Variants in PYROXD2 observed in about 807,000 individuals in gnomAD.
The protein encoded by PYROXD2 is pyridine nucleotide-disulfide oxidoreductase domain-containing protein 2.
A neutral mutation model predicts 71.1 loss-of-function variants in PYROXD2; 69 were observed. The ratio of observed to expected loss-of-function variants is 0.97; its 90% CI spans 0.80 to 1.19. The LOEUF (loss-of-function observed/expected upper bound fraction) is 1.19, where lower values mean the gene tolerates loss of function less well. Among genes scored for constraint, PYROXD2 ranks in the 50% most tolerant of loss-of-function variants. The probability of loss-of-function intolerance (pLI) is 0.00; values close to 1 mark genes in which losing one functional copy is unlikely to be tolerated. For missense variants in PYROXD2, 745 were observed against 748.9 expected (o/e 0.99, Z 0.06); for synonymous variants, 287 against 302.7 (o/e 0.95, Z 0.54).
intron 2 of PYROXD2, 168 bp downstream of exon 2, chr10:98,410,771 T>C (rs1843757050): frequency 2.0e-6 from 2 of 982,014 alleles, no homozygotes; most frequent in Admixed American, 5.1e-5. Context: ...CAGATGAGCA[T>C]TCGACCCAGC....
chr10:98,389,210 A>G (rs1319374196), intron 12 of PYROXD2, among the ~76,000 whole-genome samples: 1 of 151,982 alleles, frequency 6.6e-6, no homozygotes, highest in African/African-American at 2.4e-5. Flanking sequence ...TCCTCTTTTC[A>G]GTAAATGGAG....
chr10:98,409,069 C>T (rs1843703058), intron 2 of PYROXD2, among the ~76,000 whole-genome samples: 1 of 152,232 alleles, frequency 6.6e-6, no homozygotes, highest in Non-Finnish European at 1.5e-5. Context: ...AGCTGTCACT[C>T]AGTGGCTGAG....
At chr10:98,412,431 G>A (rs1843819204) in intron 1 of PYROXD2, among the ~76,000 whole-genome samples, 1 of 152,174 alleles carries the variant, frequency 6.6e-6, no homozygotes, top group African/African-American at 2.4e-5. Flanking sequence ...CTCTGGGCGT[G>A]GGCTCTGCAG....
chr10:98,411,324 A>G (rs1843780313), intron 1 of PYROXD2: 1 of 268,386 alleles, frequency 3.7e-6, no homozygotes, highest in Non-Finnish European at 7.0e-6. Context: ...AAGCAGGAGA[A>G]GCAATGGGTG....
rs150142768 is a variant in PYROXD2, at chr10:98,399,857, C to T, written c.471+245G>A. 1.7e-3 allele frequency among the ~76,000 whole-genome samples: 259 copies of T among 152,318 alleles called. 2 individuals carry two copies. The highest frequency in any genetic ancestry group is 7.5e-3 in the East Asian group (39 of 5,184). On this transcript the variant is annotated intron_variant, in intron 5 of 15. Transcript: ENST00000370575. ...GCAGGCACAGCCCCTCTGACAGTGG[C>T]CCCATACTGAACACACGCAGGTGAG...
In PYROXD2 at chr10:98,390,476, G is replaced by A. The variant is rs1842908937; in HGVS notation, c.1292+122C>T. ...GTCCTTAGGAGTATGGATTTTGGCA[G>A]ATCCTAAGTCACTGTGAAGGTTGAA... is the stretch of plus-strand genomic sequence containing the variant. On this transcript the variant is annotated intron_variant, in intron 12 of 15. Coordinates refer to ENST00000370575, the MANE Select transcript of PYROXD2 (RefSeq NM_032709.3). 2.5e-6 allele frequency: 3 copies of A among 1,188,962 alleles called. No individual in the cohort carries two copies. In the Admixed American group the frequency reaches 7.9e-5, roughly 31 times the overall value. 73.7% of individuals were successfully genotyped at this position (1,188,962 alleles called of 1,614,324 possible).
intron 4 of PYROXD2, among the ~76,000 whole-genome samples, chr10:98,404,171 T>C (rs7914401): frequency 0.35 from 52,846 of 152,096 alleles, 9,901 homozygotes; most frequent in South Asian, 0.49. Flanking sequence ...GTAACCTACT[T>C]CTGTGTCAAT....
chr10:98,413,476 G>A (rs979222929), intron 1 of PYROXD2, among the ~76,000 whole-genome samples: 1 of 152,194 alleles, frequency 6.6e-6, no homozygotes, highest in African/African-American at 2.4e-5. Context: ...AGCCCTTTGG[G>A]AGGCTGAGGC....
At chr10:98,406,450 T>G (rs74154414) in intron 4 of PYROXD2, among the ~76,000 whole-genome samples, 7,063 of 152,266 alleles carry the variant, frequency 0.046, 274 homozygotes, top group African/African-American at 0.1. Context: ...CAGGCCTGGC[T>G]AGATTTCATC....
At chr10:98,384,008 C>T (rs1590923933) in intron 15 of PYROXD2, 140 bp from the exon 16 acceptor site, 1 of 711,822 alleles carries the variant, frequency 1.4e-6, no homozygotes, top group Non-Finnish European at 2.5e-6. Flanking sequence ...ACTGGAATCA[C>T]CTAAGACAGC....
chr10:98,405,926 G>A (rs1020504891), intron 4 of PYROXD2, among the ~76,000 whole-genome samples: 1 of 152,218 alleles, frequency 6.6e-6, no homozygotes, highest in Admixed American at 6.5e-5. Flanking sequence ...TTACAGGTAA[G>A]GATCAATTGA....
chr10:98,399,392 G>C (rs1432801790), intron 5 of PYROXD2, among the ~76,000 whole-genome samples: 1 of 152,162 alleles, frequency 6.6e-6, no homozygotes, highest in African/African-American at 2.4e-5. Flanking sequence ...ATCCAGGCTT[G>C]GTACAAAATG....
Position 98,407,670 on chromosome 10 carries a change from G to A in PYROXD2, c.242-15C>T, listed in dbSNP as rs200244578. The A allele has an allele frequency of 5.6e-6, 9 of 1,613,402 alleles. 1 individual carries two copies. The East Asian group carries it at 6.7e-5, about 12-fold the overall frequency. ...GAACTTAAACCCTGAAACCGAATCC[G>A]ATGAAGACTGTCACCAGGGGTCACC... On this transcript the variant is annotated splice_polypyrimidine_tract_variant and intron_variant, in intron 3 of 15. Coordinates refer to ENST00000370575, the MANE Select transcript of PYROXD2 (RefSeq NM_032709.3).
intron 10 of PYROXD2, among the ~76,000 whole-genome samples, 184 bp from the exon 11 acceptor site, chr10:98,391,266 A>G (rs954817856): frequency 1.3e-5 from 2 of 151,708 alleles, no homozygotes; most frequent in Non-Finnish European, 2.9e-5. Flanking sequence ...AGCTCTAACC[A>G]CTTCCTCCTC....
chr10:98,403,261 T>G (rs2136003150), intron 4 of PYROXD2, among the ~76,000 whole-genome samples: 1 of 152,340 alleles, frequency 6.6e-6, no homozygotes, highest in Middle Eastern at 3.4e-3. Context: ...GGAGGCATCC[T>G]TAGTCTCTCT....
chr10:98,411,221 T>A, intron 1 of PYROXD2: 1 of 533,036 alleles, frequency 1.9e-6, no homozygotes, highest in Non-Finnish European at 3.3e-6. Context: ...GGGGCTCTGC[T>A]GGAGTGAGGG....
intron 4 of PYROXD2, among the ~76,000 whole-genome samples, chr10:98,402,520 T>C (rs1564806297): frequency 6.6e-6 from 1 of 152,246 alleles, no homozygotes; most frequent in Non-Finnish European, 1.5e-5. Flanking sequence ...ATTTAAAATA[T>C]GATTTGATTT....
chr10:98,401,145 C>T (rs1007391904), intron 4 of PYROXD2, among the ~76,000 whole-genome samples: 2 of 150,256 alleles, frequency 1.3e-5, no homozygotes, highest in Non-Finnish European at 1.5e-5. Flanking sequence ...CCCAACTACT[C>T]GGAAGGCTGA....
intron 4 of PYROXD2, among the ~76,000 whole-genome samples, chr10:98,401,165 A>C (rs1164953852): frequency 6.7e-6 from 1 of 149,290 alleles, no homozygotes; most frequent in African/African-American, 2.5e-5. Context: ...AGGCAGGAGA[A>C]TTGCTCGAAC....
Sources: gnomAD v4.1 joint callset for allele counts (sites outside exome capture counted in the v4.1 genomes callset) on GRCh38, gnomAD v4.1.1 for gene constraint, MANE v1.5 for transcripts, NCBI Gene and HGNC (gene_info 2026-07-23, HGNC 2026-07-21) for gene names.